Variants in MOSPD3 observed in about 807,000 individuals in gnomAD.
MOSPD3 encodes motile sperm domain containing 3.
A neutral mutation model predicts 23.3 loss-of-function variants in MOSPD3; 20 were observed. That is an observed-to-expected ratio of 0.86 (90% CI 0.61 to 1.25). The LOEUF is 1.25. Among genes scored for constraint, MOSPD3 ranks in the 50% most tolerant of loss-of-function variants. The probability of loss-of-function intolerance (pLI) is 0.00; values close to 1 mark genes in which losing one functional copy is unlikely to be tolerated. For synonymous variants in MOSPD3, 136 were observed against 135.2 expected (o/e 1.01, Z -0.04); for missense variants, 307 against 315.7 (o/e 0.97, Z 0.21).
chr7:100,614,752 T>G, intron 3 of MOSPD3, 115 bp from the exon 4 acceptor site: 1 of 1,201,452 alleles, frequency 8.3e-7, no homozygotes, highest in Non-Finnish European at 1.1e-6. Flanking sequence ...CTACAAAAAA[T>G]AAAAGATAAT....
At chr7:100,614,783 A>G in intron 3 of MOSPD3, 84 bp from the exon 4 acceptor site, 1 of 1,411,538 alleles carries the variant, frequency 7.1e-7, no homozygotes, top group East Asian at 2.4e-5. Context: ...AAGTAGATAC[A>G]TCTTCCTTGT....
rs775096952 is a variant in MOSPD3 at position 100,612,854 on chromosome 7, C to A, written c.63C>A (p.Ser21=). 5.6e-6 allele frequency: 9 copies of A among 1,612,052 alleles called. No individual in the cohort carries two copies. The Admixed American group carries it at 1.5e-4, about 27-fold the overall frequency. The part of the protein sequence containing the change: ...LVGPGPPGRG[S]RGAPPPLGPV... ...GTCCGGGGCCCCCTGGGCGGGGGTC[C>A]CGGGGCGCCCCTCCTCCCTTGGGAC... Residue 21 remains serine (S), a synonymous_variant, in exon 1 of 5, where the codon TCC becomes TCA. Coordinates refer to ENST00000393950, the MANE Select transcript of MOSPD3 (RefSeq NM_023948.5).
In MOSPD3 at chr7:100,613,591, C is replaced by T; in HGVS notation, c.396C>T (p.Thr132=). ...EGRVVGRKDI[T]SILRAPAYPL... ...GAGTGGTGGGACGCAAGGACATTAC[C>T]TCCATTCTGAGAGCCCCAGCGTACC... Residue 132 remains threonine (T), a synonymous_variant, in exon 3 of 5, where the codon ACC becomes ACT. Coordinates refer to ENST00000393950, the MANE Select transcript of MOSPD3 (RefSeq NM_023948.5). 1 of 1,614,192 alleles carries T rather than the reference C, an allele frequency of 6.2e-7. No homozygotes were observed. The highest frequency in any genetic ancestry group is 1.1e-5 in the South Asian group (1 of 91,084).
At position 100,613,565 on chromosome 7, in the gene MOSPD3, C is replaced by T. The variant is rs1320292183; in HGVS notation, c.370C>T (p.Arg124Ter). ...GCTGTCTGAGGAAGGAGCTGAGGGC[C>T]GAGTGGTGGGACGCAAGGACATTAC... ...IELSEEGAEG[R>*]VVGRKDITSI... The change falls in exon 3 of 5, where the codon CGA (arginine) becomes TGA (stop). Residue 124 changes from arginine (R) to a stop codon, truncating the protein, a stop_gained. Transcript: ENST00000393950. LOFTEE classifies it high-confidence loss of function. The T allele has an allele frequency of 8.7e-6, 14 of 1,614,024 alleles. No individual in the cohort carries two copies. The highest frequency in any genetic ancestry group is 1.3e-5 in the African/African-American group (1 of 74,920).
At position 100,613,260 on chromosome 7, in the gene MOSPD3, G is replaced by C; in HGVS notation, c.272G>C (p.Cys91Ser). The C allele has an allele frequency of 3.1e-6, 5 of 1,614,112 alleles. No individual in the cohort carries two copies. The highest frequency in any genetic ancestry group is 4.2e-6 in the Non-Finnish European group (5 of 1,179,976). ...DAEGYVKPQS[C>S]IDIVIRHVAP... ...GAGGGATATGTGAAGCCCCAGTCTT[G>C]CATTGACATGTGAGTGAGCTGGGAG... The change falls in exon 2 of 5, where the codon TGC becomes TCC. Residue 91 changes from cysteine to serine, a missense_variant. Coordinates refer to ENST00000393950, the MANE Select transcript of MOSPD3 (RefSeq NM_023948.5).
intron 1 of MOSPD3, 53 bp from the exon 2 acceptor site, chr7:100,613,141 G>T (rs1171574642): frequency 6.3e-7 from 1 of 1,597,334 alleles, no homozygotes; most frequent in East Asian, 2.2e-5. Flanking sequence ...AGGCAGAGGG[G>T]ACTTAAATGA....
At chr7:100,614,760 A>G in intron 3 of MOSPD3, 107 bp from the exon 4 acceptor site, 2 of 1,243,012 alleles carry the variant, frequency 1.6e-6, no homozygotes, top group Non-Finnish European at 2.2e-6. Flanking sequence ...AATAAAAGAT[A>G]ATTAAAAAAA....
At chr7:100,612,521 C>T (rs1802853598), upstream of MOSPD3, 2 of 366,196 alleles carry the variant, frequency 5.5e-6, no homozygotes, top group African/African-American at 4.3e-5. Context: ...TGCGAGGGGC[C>T]GGGTTTAGCG....
Position 100,613,044 on chromosome 7 carries a change from G to A in MOSPD3, c.205+48G>A, listed in dbSNP as rs374884221. The A allele has an allele frequency of 2.3e-5, 37 of 1,607,982 alleles. No individual in the cohort carries two copies. In the African/African-American group the frequency reaches 3.1e-4, roughly 13 times the overall value. On this transcript the variant is annotated intron_variant, in intron 1 of 4. Transcript: ENST00000393950. Reference sequence around the variant, plus strand: ...GGGGCTGGTGGCCGGACACTGGGGGGTTGTGTTGGCTGGAGGAGTCAGATG... The same window carrying A: ...GGGGCTGGTGGCCGGACACTGGGGGATTGTGTTGGCTGGAGGAGTCAGATG...
rs773277551 is a variant in MOSPD3 at position 100,612,950 on chromosome 7, G to A, written c.159G>A (p.Gln53=). The A allele has an allele frequency of 3.1e-6, 5 of 1,614,024 alleles. No individual in the cohort carries two copies. In the South Asian group the frequency reaches 5.5e-5, roughly 18 times the overall value. ...FRADQRSGPR[Q]LLTLYNPTGT... is the part of the protein sequence containing the mutation. Reference sequence around the variant, plus strand: ...CGGACCAGCGGAGCGGACCCCGACAGCTGCTGACCCTCTATAACCCCACAG... The same window carrying A: ...CGGACCAGCGGAGCGGACCCCGACAACTGCTGACCCTCTATAACCCCACAG... The change falls in exon 1 of 5, where the codon CAG becomes CAA. Residue 53 remains glutamine (Q), a synonymous_variant. Coordinates refer to ENST00000393950, the MANE Select transcript of MOSPD3 (RefSeq NM_023948.5).
chr7:100,614,827 G>A, intron 3 of MOSPD3, 40 bp from the exon 4 acceptor site: 5 of 1,586,572 alleles, frequency 3.2e-6, no homozygotes, highest in Non-Finnish European at 4.3e-6. Context: ...GGGCTGGGCA[G>A]GAGTGGGGGC....
chr7:100,612,462 G>A (rs1481828969), upstream of MOSPD3: 4 of 217,716 alleles, frequency 1.8e-5, no homozygotes, highest in Admixed American at 1.1e-4. Context: ...GCGGGGCGGG[G>A]CTTATGGAGA....
In MOSPD3 at chr7:100,613,654, C is replaced by T; in HGVS notation, c.459C>T (p.Arg153=). The T allele has an allele frequency of 1.2e-6, 2 of 1,613,912 alleles. No individual in the cohort carries two copies. The highest frequency in any genetic ancestry group is 1.7e-6 in the Non-Finnish European group (2 of 1,180,034). Residue 153 remains arginine, a synonymous_variant, in exon 3 of 5, where the codon CGC becomes CGT. Transcript: ENST00000393950. Reference sequence around the variant, plus strand: ...AGGGACAGCCAGATCCAGCGCCTCGCCCAGGGCCTCCTGCTGGGACACCAC... The same window carrying T: ...AGGGACAGCCAGATCCAGCGCCTCGTCCAGGGCCTCCTGCTGGGACACCAC... ...ELQGQPDPAP[R]PGPPAGTPPP...
Position 100,612,706 on chromosome 7 carries a change from C to G in MOSPD3, c.-86C>G. On this transcript the variant is annotated 5_prime_UTR_variant, in exon 1 of 5. Transcript: ENST00000393950. ...CCTGCTCCGGGAGCTCATCTTGTCC[C>G]CTTTCGCCCCTCACGCCCCCCAGCT... is the stretch of plus-strand genomic sequence containing the variant. 2 of 1,069,862 alleles carry G rather than the reference C, an allele frequency of 1.9e-6. No homozygotes were observed. Among genetic ancestry groups the G allele is most frequent in the East Asian group, 2.5e-5 (1 of 39,258 alleles). 66.3% of individuals were successfully genotyped at this position (1,069,862 alleles called of 1,614,324 possible).
Position 100,613,228 on chromosome 7 carries a change from T to G in MOSPD3, c.240T>G (p.Phe80Leu). 1 of 1,614,024 alleles carries G rather than the reference T, an allele frequency of 6.2e-7. No homozygotes were observed. The highest frequency in any genetic ancestry group is 2.2e-5 in the East Asian group (1 of 44,862). The change falls in exon 2 of 5, where the codon TTT becomes TTG. Residue 80 changes from phenylalanine to leucine, a missense_variant. Transcript: ENST00000393950. Reference sequence around the variant, plus strand: ...CAGCACCTGCCAAATACACGGTGTTTGACGCAGAGGGATATGTGAAGCCCC... The same window carrying G: ...CAGCACCTGCCAAATACACGGTGTTGGACGCAGAGGGATATGTGAAGCCCC... ...LCTAPAKYTV[F>L]DAEGYVKPQS...
chr7:100,613,866 A>G, intron 3 of MOSPD3, 160 bp downstream of exon 3: 1 of 690,328 alleles, frequency 1.4e-6, no homozygotes, highest in Non-Finnish European at 2.4e-6. Flanking sequence ...GGTGAGGGGG[A>G]AAAGACTTAC....
rs764236149 is a variant in MOSPD3, at chr7:100,612,889, C to A, written c.98C>A (p.Pro33Gln). 28 of 1,612,984 alleles carry A rather than the reference C, an allele frequency of 1.7e-5. No homozygotes were observed. Among genetic ancestry groups the A allele is most frequent in the Non-Finnish European group, 2.4e-5 (28 of 1,179,802 alleles). Residue 33 changes from proline to glutamine, a missense_variant, in exon 1 of 5, where the codon CCG becomes CAG. Pro to Gln is a moderately conservative substitution (Grantham distance 76, BLOSUM62 -1). Coordinates refer to ENST00000393950, the MANE Select transcript of MOSPD3 (RefSeq NM_023948.5). The part of the protein sequence containing the change: ...GAPPPLGPVV[P>Q]VLVFPPDLVF... ...CCTCCTCCCTTGGGACCCGTTGTCC[C>A]GGTCCTGGTCTTTCCCCCGGATCTA...
Position 100,615,012 on chromosome 7 carries a change from G to GTA in MOSPD3, c.657_658insTA (p.Val220Ter). The GTA allele has an allele frequency of 6.2e-7, 1 of 1,614,172 alleles. No homozygotes were observed. The stretch of plus-strand genomic sequence containing the variant: ...TGCACGTCTCCCTGGGACAAAAGTT[G>GTA]GTGGCCGCCTACGTCTTGGGTGAGG... On this transcript the variant is annotated frameshift_variant, in exon 4 of 5. Coordinates refer to ENST00000393950, the MANE Select transcript of MOSPD3 (RefSeq NM_023948.5). LOFTEE classifies it high-confidence loss of function.
rs1802874924 is a variant in MOSPD3, at chr7:100,612,972, A to G, written c.181A>G (p.Thr61Ala). Residue 61 changes from threonine to alanine, a missense_variant, in exon 1 of 5, where the codon ACA becomes GCA. Thr to Ala is a moderately conservative substitution (Grantham distance 58). Transcript: ENST00000393950. Reference protein sequence around the residue: ...PRQLLTLYNPTGTALRFRVLC... With the variant: ...PRQLLTLYNPAGTALRFRVLC... ...ACAGCTGCTGACCCTCTATAACCCC[A>G]CAGGAACTGCGCTTCGCTTCCGAGG... is the stretch of plus-strand genomic sequence containing the variant. 1.2e-5 allele frequency: 19 copies of G among 1,613,434 alleles called. No homozygotes were observed. Among genetic ancestry groups the G allele is most frequent in the Non-Finnish European group, 1.5e-5 (18 of 1,179,882 alleles).
Sources: allele counts gnomAD v4.1 joint callset, GRCh38; gene constraint gnomAD v4.1.1; transcripts MANE v1.5; gene names NCBI Gene and HGNC (gene_info 2026-07-23, HGNC 2026-07-21).